LARGE1: variants seen among roughly 807,000 people sequenced by gnomAD.
LARGE1 encodes xylosyl- and glucuronyltransferase LARGE1.
In LARGE1, 43 loss-of-function variants were observed where a neutral mutation model predicts 87.6. That is an observed-to-expected ratio of 0.49 (90% CI 0.38 to 0.63). The LOEUF is 0.63. Ranked by LOEUF, LARGE1 falls within the 30% of genes least tolerant of loss-of-function variation. The pLI, the probability that LARGE1 is intolerant of heterozygous loss-of-function variation, is 0.00. For synonymous variants in LARGE1, 434 were observed against 394.6 expected (o/e 1.10, Z -1.18); for missense variants, 802 against 1,000.2 (o/e 0.80, Z 2.67).
chr22:33,434,092 C>G (rs1056422908), intron 6 of LARGE1, among the ~76,000 whole-genome samples: 2 of 152,180 alleles, frequency 1.3e-5, no homozygotes, highest in African/African-American at 4.8e-5. Flanking sequence ...CCATGTGCAA[C>G]AAGCTTAGGA....
the LARGE1 span, among the ~76,000 whole-genome samples, chr22:33,073,286 C>T: frequency 5.9e-5 from 9 of 152,158 alleles, no homozygotes; most frequent in Non-Finnish European, 1.2e-4. Context: ...TCTTGCAGGT[C>T]CCAATCCATC....
At chr22:33,671,722 A>G (rs2081418440) in intron 2 of LARGE1, among the ~76,000 whole-genome samples, 1 of 152,248 alleles carries the variant, frequency 6.6e-6, no homozygotes, top group South Asian at 2.1e-4. Context: ...GCATCGTTTA[A>G]GATTTTCAAC....
At chr22:33,702,255 T>C (rs755881742) in intron 2 of LARGE1, among the ~76,000 whole-genome samples, 1 of 152,224 alleles carries the variant, frequency 6.6e-6, no homozygotes, top group Non-Finnish European at 1.5e-5. Context: ...TTGCTGAATG[T>C]AATCTGCAGC....
chr22:33,600,858 C>T (rs1466268289), intron 5 of LARGE1, among the ~76,000 whole-genome samples: 1 of 152,046 alleles, frequency 6.6e-6, no homozygotes. Flanking sequence ...TGAGGTCAGG[C>T]GTTCGAGACC....
the LARGE1 span, among the ~76,000 whole-genome samples, chr22:33,083,266 A>G: frequency 9.2e-5 from 14 of 152,222 alleles, no homozygotes; most frequent in Non-Finnish European, 1.6e-4. Flanking sequence ...CTAGGCTGCC[A>G]TAATTTTCTA....
chr22:33,692,517 G>A (rs1272842372), intron 2 of LARGE1, among the ~76,000 whole-genome samples: 1 of 152,170 alleles, frequency 6.6e-6, no homozygotes, highest in Non-Finnish European at 1.5e-5. Context: ...CACCATGTTG[G>A]CCAGGCTGGT....
At chr22:33,190,315 T>A (rs997690436) in intron 11 of LARGE1, among the ~76,000 whole-genome samples, 2 of 152,164 alleles carry the variant, frequency 1.3e-5, no homozygotes, top group African/African-American at 4.8e-5. Context: ...TTTGAATATT[T>A]CCTTCTTCAG....
chr22:33,332,768 G>A (rs1335939772), intron 10 of LARGE1, among the ~76,000 whole-genome samples: 1 of 152,188 alleles, frequency 6.6e-6, no homozygotes, highest in Non-Finnish European at 1.5e-5. Flanking sequence ...TGGTTCAGGA[G>A]TGCAATGTTT....
At chr22:33,791,135 G>A (rs920776681) in intron 1 of LARGE1, among the ~76,000 whole-genome samples, 1 of 152,178 alleles carries the variant, frequency 6.6e-6, no homozygotes, top group Non-Finnish European at 1.5e-5. Flanking sequence ...ATAAGTAAAT[G>A]AGAAAAGCTC....
At chr22:33,913,112 G>A (rs1025797937) in intron 1 of LARGE1, among the ~76,000 whole-genome samples, 7 of 152,154 alleles carry the variant, frequency 4.6e-5, no homozygotes, top group Non-Finnish European at 8.8e-5. Flanking sequence ...GATTACAGGC[G>A]TGAGCCACCA....
chr22:33,281,046 CT>C (rs1205416562), intron 13 of LARGE1, among the ~76,000 whole-genome samples: 1 of 152,144 alleles, frequency 6.6e-6, no homozygotes, highest in Non-Finnish European at 1.5e-5. Flanking sequence ...CAGATTTCGG[CT>C]GCTCAGAGGC....
chr22:33,449,759 G>A (rs931282497), intron 6 of LARGE1, among the ~76,000 whole-genome samples: 1 of 152,206 alleles, frequency 6.6e-6, no homozygotes, highest in African/African-American at 2.4e-5. Context: ...GAAACAATAT[G>A]CTGGCCAAGC....
intron 11 of LARGE1, among the ~76,000 whole-genome samples, chr22:33,305,130 T>C (rs1426087835): frequency 6.6e-6 from 1 of 152,040 alleles, no homozygotes; most frequent in African/African-American, 2.4e-5. Flanking sequence ...CAGACATGTG[T>C]AGACAGGTAC....
chr22:33,631,781 T>A (rs576879827), intron 3 of LARGE1, among the ~76,000 whole-genome samples: 13 of 152,254 alleles, frequency 8.5e-5, no homozygotes, highest in Admixed American at 3.9e-4. Context: ...TATTATGTAC[T>A]GTACATAATT....
chr22:33,352,878 A>T (rs552408582), intron 9 of LARGE1, among the ~76,000 whole-genome samples: 4 of 152,330 alleles, frequency 2.6e-5, no homozygotes, highest in East Asian at 1.9e-4. Context: ...CTTCCAAATA[A>T]AAGTTTATAA....
At chr22:33,531,502 T>A (rs2072201281) in intron 6 of LARGE1, among the ~76,000 whole-genome samples, 1 of 152,200 alleles carries the variant, frequency 6.6e-6, no homozygotes, top group Non-Finnish European at 1.5e-5. Flanking sequence ...ACTACCTGGA[T>A]GTGGACACCA....
upstream of LARGE1, among the ~76,000 whole-genome samples, chr22:33,921,732 C>G (rs2065954475): frequency 6.6e-6 from 1 of 152,186 alleles, no homozygotes; most frequent in Non-Finnish European, 1.5e-5. This position sits in a 1 kb window ranked among gnomAD's most constrained non-coding sequence, Gnocchi z 4.1. Flanking sequence ...CTCTTTCCCT[C>G]TTGGCATAAG....
intron 2 of LARGE1, among the ~76,000 whole-genome samples, chr22:33,751,872 ATCC>A (rs2084331300): frequency 6.6e-6 from 1 of 151,738 alleles, no homozygotes; most frequent in Admixed American, 6.6e-5. Flanking sequence ...GGTTCAAGCG[ATCC>A]TCCTACCTCA....
At chr22:33,220,629 A>G (rs145312079) in intron 11 of LARGE1, among the ~76,000 whole-genome samples, 1 of 152,208 alleles carries the variant, frequency 6.6e-6, no homozygotes, top group Non-Finnish European at 1.5e-5. Context: ...CTGAGCCTGG[A>G]ACAGGTATTG....
Sources: gnomAD v4.1 joint callset for allele counts (sites outside exome capture counted in the v4.1 genomes callset) on GRCh38, gnomAD v4.1.1 for gene constraint, Gnocchi (gnomAD v3.1) non-coding constraint, MANE v1.5 for transcripts, NCBI Gene and HGNC (gene_info 2026-07-23, HGNC 2026-07-21) for gene names.